Variants in TRPS1 observed in about 807,000 individuals in gnomAD.
TRPS1 encodes transcriptional repressor GATA binding 1, also known as zinc finger transcription factor Trps1.
In TRPS1, 6 loss-of-function variants were observed where a neutral mutation model predicts 101.2. The ratio of observed to expected loss-of-function variants is 0.06; its 90% CI spans 0.03 to 0.12. The LOEUF is 0.12. Among genes scored for constraint, TRPS1 ranks in the 10% least tolerant of loss-of-function variants. The pLI, the probability that TRPS1 is intolerant of heterozygous loss-of-function variation, is 1.00. For synonymous variants in TRPS1, 578 were observed against 589.8 expected (o/e 0.98, Z 0.29); for missense variants, 1,363 against 1,567.0 (o/e 0.87, Z 2.20).
chr8:115,581,500 T>G (rs564046034), intron 5 of TRPS1, among the ~76,000 whole-genome samples: 4 of 152,106 alleles, frequency 2.6e-5, no homozygotes, highest in Non-Finnish European at 4.4e-5. Context: ...AACAGCACTA[T>G]GTTCCCCACA....
At position 115,668,655 on chromosome 8, in the gene TRPS1, G is replaced by C. The variant is rs895304326; in HGVS notation, c.-232C>G. Reference sequence around the variant, plus strand: ...GCAGAGTTGATCTTGGATTATTGCGGGGGGGAGAGAAAAAGGTCTTTCCTG... The same window carrying C: ...GCAGAGTTGATCTTGGATTATTGCGCGGGGGAGAGAAAAAGGTCTTTCCTG... On this transcript the variant is annotated 5_prime_UTR_variant, in exon 1 of 7. Transcript: ENST00000395715. The C allele has an allele frequency of 6.6e-6, 1 of 152,052 alleles. No individual in the cohort carries two copies. Among genetic ancestry groups the C allele is most frequent in the African/African-American group, 2.4e-5 (1 of 41,214 alleles). The allele number at this position is 152,052 out of a possible 1,614,324, so 9.4% of individuals were successfully genotyped here.
At chr8:115,480,940 T>C (rs1378566440) in intron 5 of TRPS1, among the ~76,000 whole-genome samples, 2 of 152,112 alleles carry the variant, frequency 1.3e-5, no homozygotes, top group African/African-American at 2.4e-5. Flanking sequence ...GGTTAGAAAG[T>C]AGGTTGACTA....
chr8:115,668,064 C>A, intron 1 of TRPS1: 1 of 662,484 alleles, frequency 1.5e-6, no homozygotes, highest in Middle Eastern at 4.0e-4. Context: ...GGAGGGGGCA[C>A]CGGCCTGAAA....
At chr8:115,458,189 C>A (rs1027720237) in intron 5 of TRPS1, among the ~76,000 whole-genome samples, 1 of 152,082 alleles carries the variant, frequency 6.6e-6, no homozygotes, top group Admixed American at 6.5e-5. Context: ...TGGTAGATAA[C>A]AGAATGACTC....
intron 5 of TRPS1, among the ~76,000 whole-genome samples, chr8:115,525,448 G>A (rs567844995): frequency 6.6e-6 from 1 of 152,220 alleles, no homozygotes; most frequent in Non-Finnish European, 1.5e-5. Flanking sequence ...TACCATGTAT[G>A]CCAGTGTATA....
intron 1 of TRPS1, among the ~76,000 whole-genome samples, chr8:115,645,902 T>A (rs1819013838): frequency 6.6e-6 from 1 of 152,172 alleles, no homozygotes; most frequent in African/African-American, 2.4e-5. Flanking sequence ...AAGGCATGTA[T>A]TCTACCAAAG....
chr8:115,453,525 C>T (rs1397447898), intron 5 of TRPS1, among the ~76,000 whole-genome samples: 2 of 152,096 alleles, frequency 1.3e-5, no homozygotes. Flanking sequence ...CTCAGTGTAC[C>T]TGTTCTCCAC....
Position 115,619,471 on chromosome 8 carries a change from T to C in TRPS1, c.627A>G (p.Arg209=), listed in dbSNP as rs1171363483. 1 of 1,614,198 alleles carries C rather than the reference T, an allele frequency of 6.2e-7. No homozygotes were observed. The highest frequency in any genetic ancestry group is 8.5e-7 in the Non-Finnish European group (1 of 1,180,032). Residue 209 remains arginine (R), a synonymous_variant, in exon 3 of 7, where the codon AGA becomes AGG. Coordinates refer to ENST00000395715, the MANE Select transcript of TRPS1 (RefSeq NM_014112.5). ...NPQVPSDGGV[R]LNKSKTDLLV... Reference sequence around the variant, plus strand: ...GTAAGTCAGTTTTGGATTTATTCAGTCTTACACCCCCATCTGAAGGCACTT... The same window carrying C: ...GTAAGTCAGTTTTGGATTTATTCAGCCTTACACCCCCATCTGAAGGCACTT...
At chr8:115,507,593 T>C (rs1815478275) in intron 5 of TRPS1, among the ~76,000 whole-genome samples, 1 of 152,012 alleles carries the variant, frequency 6.6e-6, no homozygotes, top group Non-Finnish European at 1.5e-5. Flanking sequence ...ACCCAAAGTC[T>C]CTCGTCACCC....
intron 4 of TRPS1, among the ~76,000 whole-genome samples, chr8:115,594,678 T>A (rs1008402356): frequency 2.0e-5 from 3 of 152,146 alleles, no homozygotes; most frequent in African/African-American, 4.8e-5. Flanking sequence ...TGTTTTTTGA[T>A]CCTTCCATGT....
At chr8:115,471,609 T>C (rs1814471280) in intron 5 of TRPS1, among the ~76,000 whole-genome samples, 2 of 152,132 alleles carry the variant, frequency 1.3e-5, no homozygotes, top group African/African-American at 4.8e-5. Flanking sequence ...AGTTCCCCAA[T>C]GTCTTATCCA....
chr8:115,599,325 A>AT (rs1304841995), intron 4 of TRPS1, among the ~76,000 whole-genome samples: 1 of 151,106 alleles, frequency 6.6e-6, no homozygotes, highest in Admixed American at 6.6e-5. Context: ...GGTGATCTTG[A>AT]TTTTTTTTTA....
At chr8:115,489,762 A>G (rs1814974515) in intron 5 of TRPS1, among the ~76,000 whole-genome samples, 1 of 152,146 alleles carries the variant, frequency 6.6e-6, no homozygotes, top group Admixed American at 6.5e-5. Context: ...CTCCTTTAAA[A>G]TTAAGGCTTT....
chr8:115,627,742 C>T (rs1330130838), intron 1 of TRPS1, among the ~76,000 whole-genome samples: 5 of 151,642 alleles, frequency 3.3e-5, no homozygotes, highest in Admixed American at 3.3e-4. Context: ...ACCTGTTAAT[C>T]AATAGAAAAG....
rs549678658 is a variant in TRPS1 at position 115,638,396 on chromosome 8, A to C, written c.-121-14638T>G. ...ACTCTGCAGTGGAGAGCCCGAAGACATGAGTGCAATGAATAAAATAGGTTG... is the reference window on the plus strand; with the variant it reads ...ACTCTGCAGTGGAGAGCCCGAAGACCTGAGTGCAATGAATAAAATAGGTTG... On this transcript the variant is annotated intron_variant, in intron 1 of 6. Transcript: ENST00000395715. Among the ~76,000 whole-genome samples the C allele has an allele frequency of 6.6e-5, 10 of 152,274 alleles. No homozygotes were observed. In the South Asian group the frequency reaches 2.1e-3, roughly 32 times the overall value.
chr8:115,627,631 A>G (rs1818540089), intron 1 of TRPS1, among the ~76,000 whole-genome samples: 1 of 151,870 alleles, frequency 6.6e-6, no homozygotes, highest in Non-Finnish European at 1.5e-5. Context: ...CTTTGTAGGA[A>G]TGTCTTTGAC....
intron 5 of TRPS1, among the ~76,000 whole-genome samples, chr8:115,571,736 G>A (rs758247252): frequency 6.6e-6 from 1 of 151,964 alleles, no homozygotes; most frequent in African/African-American, 2.4e-5. Flanking sequence ...AATGATTAGC[G>A]AATAAATCAG....
chr8:115,420,694 T>A (rs960749163), intron 5 of TRPS1, among the ~76,000 whole-genome samples: 3 of 152,242 alleles, frequency 2.0e-5, no homozygotes, highest in African/African-American at 7.2e-5. Flanking sequence ...GGGAAAATCC[T>A]GAAATTACAG....
intron 5 of TRPS1, among the ~76,000 whole-genome samples, chr8:115,533,447 T>G (rs925168612): frequency 1.5e-5 from 2 of 131,444 alleles, no homozygotes; most frequent in African/African-American, 6.2e-5. Context: ...TTTTTTTTTT[T>G]TTTTTTTTTT....
Sources: gnomAD v4.1 joint callset for allele counts (sites outside exome capture counted in the v4.1 genomes callset) on GRCh38, gnomAD v4.1.1 for gene constraint, MANE v1.5 for transcripts, NCBI Gene and HGNC (gene_info 2026-07-23, HGNC 2026-07-21) for gene names.